Variants in TPGS1 observed in about 807,000 individuals in gnomAD.
TPGS1 encodes gene trap ROSA b-geo 22.
A neutral mutation model predicts 11.9 loss-of-function variants in TPGS1; 18 were observed. The observed-to-expected ratio is 1.51, with a 90% confidence interval of 1.04 to 2.24. The LOEUF is 2.24. Among genes scored for constraint, TPGS1 ranks in the 30% most tolerant of loss-of-function variants. The pLI is 0.00. For synonymous variants in TPGS1, 247 were observed against 218.2 expected, an observed-to-expected ratio of 1.13 and a Z score of -1.16; for missense variants, 500 against 443.0, an observed-to-expected ratio of 1.13 and a Z score of -1.16.
chr19:514,817 G>A (rs1205017528), intron 1 of TPGS1, among the ~76,000 whole-genome samples: 1 of 152,118 alleles, frequency 6.6e-6, no homozygotes, highest in African/African-American at 2.4e-5. Flanking sequence ...GATGGGGGGA[G>A]TGAGGCCAGG....
rs1440434967 is a variant in TPGS1 at position 519,263 on chromosome 19, C to G, written c.713C>G (p.Ala238Gly). The G allele has an allele frequency of 8.3e-7, 1 of 1,202,222 alleles. No homozygotes were observed. Among genetic ancestry groups the G allele is most frequent in the African/African-American group, 1.6e-5 (1 of 62,638 alleles). 74.5% of individuals were successfully genotyped at this position (1,202,222 alleles called of 1,614,324 possible). ...CAGGCCAGCGACGCCGCCGCGCCCG[C>G]GCGCTTCCTGGAGGCCGGCTCGCGC... Reference protein sequence around the residue: ...ALQASDAAAPARFLEAGSRLG... With the variant: ...ALQASDAAAPGRFLEAGSRLG... The change falls in exon 2 of 2, where the codon GCG (alanine) becomes GGG (glycine). Residue 238 changes from alanine to glycine, a missense_variant. Coordinates refer to ENST00000359315, the MANE Select transcript of TPGS1 (RefSeq NM_033513.3).
intron 1 of TPGS1, among the ~76,000 whole-genome samples, chr19:513,198 G>A (rs1978852133): frequency 1.3e-5 from 2 of 152,250 alleles, no homozygotes; most frequent in African/African-American, 4.8e-5. Context: ...GTCATGCGGA[G>A]AGGTCAGGCG....
At chr19:517,136 A>G (rs886601576) in intron 1 of TPGS1, among the ~76,000 whole-genome samples, 1 of 151,734 alleles carries the variant, frequency 6.6e-6, no homozygotes, top group Non-Finnish European at 1.5e-5. Context: ...GGAGACATGA[A>G]GCTCACAGGG....
Position 507,817 on chromosome 19 carries a change from A to G in TPGS1, c.311A>G (p.His104Arg). Residue 104 changes from histidine (H) to arginine (R), a missense_variant, in exon 1 of 2, where the codon CAC becomes CGC. Physicochemically the swap from His to Arg is conservative, Grantham distance 29 (BLOSUM62 0). Transcript: ENST00000359315. Reference protein sequence around the residue: ...QQQRLGRALWHLRLAHHSQRA... With the variant: ...QQQRLGRALWRLRLAHHSQRA... ...CAGCGCCTGGGCCGCGCGCTATGGC[A>G]CCTTCGCCTGGCCCACCACTCCCAG... The G allele has an allele frequency of 7.4e-7, 1 of 1,354,820 alleles. No homozygotes were observed. Among genetic ancestry groups the G allele is most frequent in the Middle Eastern group, 2.6e-4 (1 of 3,790 alleles). The allele number at this position is 1,354,820 out of a possible 1,614,324, so 83.9% of individuals were successfully genotyped here. A position where few individuals can be genotyped will look rare whatever the true frequency, so the allele number is the denominator to read the frequency against.
At chr19:509,733 TGC>T (rs1475881263) in intron 1 of TPGS1, 31 of 152,568 alleles carry the variant, frequency 2.0e-4, no homozygotes, top group Admixed American at 1.2e-3. Flanking sequence ...TCTGCAAAGC[TGC>T]TGTCTCAAAT....
intron 1 of TPGS1, among the ~76,000 whole-genome samples, chr19:514,624 C>G (rs560325215): frequency 2.6e-5 from 4 of 152,232 alleles, no homozygotes; most frequent in African/African-American, 9.6e-5. Context: ...CAGGTCATGC[C>G]GGAGGGAAGG....
intron 1 of TPGS1, among the ~76,000 whole-genome samples, chr19:517,954 C>T (rs1207415682): frequency 2.1e-5 from 2 of 93,148 alleles, no homozygotes; most frequent in East Asian, 6.5e-4. Context: ...TGGGAGGAGG[C>T]CCAGGCTGGG....
At chr19:514,771 G>A (rs1978903050) in intron 1 of TPGS1, among the ~76,000 whole-genome samples, 1 of 152,244 alleles carries the variant, frequency 6.6e-6, no homozygotes, top group Admixed American at 6.5e-5. Context: ...CCCAGAGGAA[G>A]TAACAGGCCA....
chr19:509,383 G>A (rs753139176), intron 1 of TPGS1: 1 of 152,450 alleles, frequency 6.6e-6, no homozygotes, highest in Non-Finnish European at 1.5e-5. Flanking sequence ...CACTGCAGAT[G>A]AGGATATTTA....
intron 1 of TPGS1, chr19:510,372 C>CAA (rs556481115): frequency 3.8e-5 from 5 of 132,608 alleles, no homozygotes; most frequent in Non-Finnish European, 8.2e-5. Context: ...GACTCTGTCT[C>CAA]AAAAAAAAAA....
chr19:510,982 G>A (rs964570137), intron 1 of TPGS1, among the ~76,000 whole-genome samples: 4 of 152,256 alleles, frequency 2.6e-5, no homozygotes, highest in Non-Finnish European at 5.9e-5. Flanking sequence ...GGGGGCAGGA[G>A]TGGGAAGCAG....
At chr19:508,190 C>T (rs945270535) in intron 1 of TPGS1, 33 of 227,528 alleles carry the variant, frequency 1.5e-4, no homozygotes, top group Admixed American at 2.9e-4. Flanking sequence ...AGCCCCCGAG[C>T]CAGGTCCTCC....
intron 1 of TPGS1, among the ~76,000 whole-genome samples, chr19:511,133 C>T (rs374629040): frequency 1.3e-5 from 2 of 152,244 alleles, no homozygotes; most frequent in Non-Finnish European, 1.5e-5. Context: ...GCTGGGCTCC[C>T]GCTTTCCATT....
intron 1 of TPGS1, among the ~76,000 whole-genome samples, chr19:511,065 A>G (rs2145831583): frequency 6.6e-6 from 1 of 152,362 alleles, no homozygotes; most frequent in East Asian, 1.9e-4. Context: ...CTGTATTAAC[A>G]AATGCTCACA....
chr19:510,896 C>T (rs951249335), intron 1 of TPGS1, among the ~76,000 whole-genome samples: 2 of 152,230 alleles, frequency 1.3e-5, no homozygotes, highest in Non-Finnish European at 2.9e-5. Context: ...GCGTCCCTGG[C>T]CTCCACCCAC....
At chr19:512,725 C>T (rs528298000) in intron 1 of TPGS1, among the ~76,000 whole-genome samples, 4 of 152,390 alleles carry the variant, frequency 2.6e-5, no homozygotes, top group African/African-American at 7.2e-5. Context: ...AGCCTCGGCT[C>T]CCGGGGTTCA....
rs1335174253 is a variant in TPGS1, at chr19:507,635, C to T, written c.129C>T (p.Gly43=). 2.9e-6 allele frequency: 4 copies of T among 1,391,846 alleles called. No individual in the cohort carries two copies. The highest frequency in any genetic ancestry group is 1.9e-6 in the Non-Finnish European group (2 of 1,058,642). 86.2% of individuals were successfully genotyped at this position (1,391,846 alleles called of 1,614,324 possible). ...AGGAGGACTTCCTGCGGCAGGTCGGCGTGACGGAAATGCTACGTGCGGCCC... is the reference window on the plus strand; with the variant it reads ...AGGAGGACTTCCTGCGGCAGGTCGGTGTGACGGAAATGCTACGTGCGGCCC... ...ESEEDFLRQV[G]VTEMLRAALL... is the part of the protein sequence containing the mutation. The change falls in exon 1 of 2, where the codon GGC becomes GGT. Residue 43 remains glycine (G), a synonymous_variant. Transcript: ENST00000359315.
Position 519,159 on chromosome 19 carries a change from G to A in TPGS1, c.609G>A (p.Gln203=). 1.3e-6 allele frequency: 2 copies of A among 1,508,044 alleles called. No individual in the cohort carries two copies. The highest frequency in any genetic ancestry group is 1.8e-6 in the Non-Finnish European group (2 of 1,135,902). 93.4% of individuals were successfully genotyped at this position (1,508,044 alleles called of 1,614,324 possible). A position where few individuals can be genotyped will look rare whatever the true frequency, so the allele number is the denominator to read the frequency against. The change falls in exon 2 of 2, where the codon CAG becomes CAA. Residue 203 remains glutamine, a synonymous_variant. Coordinates refer to ENST00000359315, the MANE Select transcript of TPGS1 (RefSeq NM_033513.3). Reference sequence around the variant, plus strand: ...TGGCGCGCGCCGGCGCGCTCTTCCAGCTGCTGGAGGACTCGGCCGCCGCCG... The same window carrying A: ...TGGCGCGCGCCGGCGCGCTCTTCCAACTGCTGGAGGACTCGGCCGCCGCCG... ...EFVARAGALF[Q]LLEDSAAAVA...
At chr19:507,883 G>A (rs1347064234) in intron 1 of TPGS1, 39 bp downstream of exon 1, 14 of 1,286,854 alleles carry the variant, frequency 1.1e-5, no homozygotes, top group Non-Finnish European at 1.4e-5. Context: ...GGGCAGCGAT[G>A]GACTTCAACT....
Sources: gnomAD v4.1 joint callset for allele counts (sites outside exome capture counted in the v4.1 genomes callset) on GRCh38, gnomAD v4.1.1 for gene constraint, MANE v1.5 for transcripts, NCBI Gene and HGNC (gene_info 2026-07-23, HGNC 2026-07-21) for gene names.